The following RAB44 variants were observed in gnomAD, a reference collection of about 807,000 sequenced individuals.
RAB44 encodes the protein ras-related protein Rab-44.
Under a neutral mutation model 93.3 loss-of-function variants are expected in RAB44, and 67 were observed. The ratio of observed to expected loss-of-function variants is 0.72; its 90% CI spans 0.59 to 0.88. RAB44 has a LOEUF of 0.88. Ranked by LOEUF, RAB44 falls within the 40% of genes least tolerant of loss-of-function variation. RAB44 has a pLI of 0.00. For missense variants in RAB44, 1,064 were observed against 1,261.7 expected, an observed-to-expected ratio of 0.84 and a Z score of 2.37; for synonymous variants, 427 against 520.3, an observed-to-expected ratio of 0.82 and a Z score of 2.44.
At chr6:36,730,777 C>A in intron 13 of RAB44, 28 bp downstream of exon 13, 1 of 1,108,472 alleles carries the variant, frequency 9.0e-7, no homozygotes, top group Non-Finnish European at 1.1e-6. Flanking sequence ...CCCGCCGCCC[C>A]CACCCCCCCC....
chr6:36,699,392 G>A (rs941532240), intron 1 of RAB44, among the ~76,000 whole-genome samples: 1 of 152,128 alleles, frequency 6.6e-6, no homozygotes, highest in African/African-American at 2.4e-5. Context: ...AGCCCGGCAG[G>A]CTGCGATGTG....
At chr6:36,712,863 G>C (rs990960018) in intron 2 of RAB44, among the ~76,000 whole-genome samples, 1 of 152,122 alleles carries the variant, frequency 6.6e-6, no homozygotes, top group East Asian at 1.9e-4. Flanking sequence ...GCCACCAATG[G>C]GGAATAACTT....
intron 2 of RAB44, among the ~76,000 whole-genome samples, chr6:36,713,348 A>G (rs1198969444): frequency 2.6e-5 from 4 of 152,194 alleles, no homozygotes; most frequent in East Asian, 3.9e-4. Flanking sequence ...GTCGCTTGCC[A>G]CCATGCCTGG....
chr6:36,731,606 T>A lies in RAB44; in HGVS notation c.2976-397T>A, dbSNP rs1763366316. 6.6e-6 allele frequency among the ~76,000 whole-genome samples: 1 copy of A among 152,178 alleles called. No homozygotes were observed. Among genetic ancestry groups the A allele is most frequent in the Non-Finnish European group, 1.5e-5 (1 of 68,034 alleles). The stretch of plus-strand genomic sequence containing the variant: ...TGGGATGCACCTCCCCCACCCTTTC[T>A]GCTGGCATACCTTGTCCATGGCTCA... On this transcript the variant is annotated intron_variant, in intron 13 of 13. Coordinates refer to ENST00000612677, the MANE Select transcript of RAB44 (RefSeq NM_001257357.2). This position sits in a 1 kb window ranked among gnomAD's most constrained non-coding sequence, Gnocchi z 4.0.
At chr6:36,729,799 T>C (rs1243042888) in intron 12 of RAB44, among the ~76,000 whole-genome samples, 1 of 152,230 alleles carries the variant, frequency 6.6e-6, no homozygotes, top group African/African-American at 2.4e-5. Context: ...TTAAAAGTAG[T>C]AACTCATCCC....
At chr6:36,722,754 G>A (rs1289668688) in intron 9 of RAB44, 21 bp downstream of exon 9, 34 of 1,550,138 alleles carry the variant, frequency 2.2e-5, no homozygotes, top group Non-Finnish European at 2.7e-5. Context: ...TGGGGAGGGC[G>A]GCAGGGAGCA....
At chr6:36,730,397 G>A (rs965776675) in intron 12 of RAB44, among the ~76,000 whole-genome samples, 1 of 152,192 alleles carries the variant, frequency 6.6e-6, no homozygotes, top group African/African-American at 2.4e-5. Context: ...ATTTCTCCAA[G>A]TTGGGATGCA....
chr6:36,709,728 T>C (rs2150328422), intron 2 of RAB44, among the ~76,000 whole-genome samples: 1 of 152,218 alleles, frequency 6.6e-6, no homozygotes, highest in East Asian at 1.9e-4. Flanking sequence ...GAGGATTTTT[T>C]CTGTTTTTAG....
At chr6:36,728,872 G>A in intron 12 of RAB44, 71 bp downstream of exon 12, 1 of 1,244,080 alleles carries the variant, frequency 8.0e-7, no homozygotes. Flanking sequence ...GTGGTGGATA[G>A]GCATCACCTG....
Position 36,730,657 on chromosome 6 carries a change from C to A in RAB44, c.2899-16C>A. On this transcript the variant is annotated splice_polypyrimidine_tract_variant and intron_variant, in intron 12 of 13. Transcript: ENST00000612677. ...CTCTCCCAAGGCACATATGTCCCTC[C>A]CTGTCTGGCCTGCAGGAACTGGGGG... 8.1e-7 allele frequency: 1 copy of A among 1,233,044 alleles called. No individual in the cohort carries two copies. The highest frequency in any genetic ancestry group is 1.5e-5 in the African/African-American group (1 of 64,546). The allele number at this position is 1,233,044 out of a possible 1,614,324, so 76.4% of individuals were successfully genotyped here. A position where few individuals can be genotyped will look rare whatever the true frequency, so the allele number is the denominator to read the frequency against.
chr6:36,714,582 G>A (rs767651665), intron 3 of RAB44, among the ~76,000 whole-genome samples: 11 of 152,212 alleles, frequency 7.2e-5, no homozygotes, highest in South Asian at 6.2e-4. Flanking sequence ...CTGCATTTGC[G>A]CTTGGGCCCA....
At chr6:36,708,286 C>G (rs187240423) in intron 2 of RAB44, among the ~76,000 whole-genome samples, 49 of 151,674 alleles carry the variant, frequency 3.2e-4, no homozygotes, top group Admixed American at 5.3e-4. Context: ...TCACATAAAG[C>G]ATGCAATTTC....
In RAB44 at chr6:36,721,718, T is replaced by C. The variant is rs1233749602; in HGVS notation, c.1584T>C (p.Asp528=). Residue 528 remains aspartate (D), a synonymous_variant, in exon 9 of 14, where the codon GAT becomes GAC. Coordinates refer to ENST00000612677, the MANE Select transcript of RAB44 (RefSeq NM_001257357.2). ...AACAGATCCAGGCCTCAGACCCAGA[T>C]GACAAGGGCCCTGGGTCTTGGGCTC... is the stretch of plus-strand genomic sequence containing the variant. ...SSKQIQASDP[D]DKGPGSWAPP... is the part of the protein sequence containing the mutation. 4.1e-6 allele frequency: 5 copies of C among 1,234,128 alleles called. No homozygotes were observed. Among genetic ancestry groups the C allele is most frequent in the African/African-American group, 1.6e-5 (1 of 64,432 alleles). The allele number at this position is 1,234,128 out of a possible 1,614,324, so 76.4% of individuals were successfully genotyped here.
rs527301408 is a variant in RAB44, at chr6:36,731,691, G to C, written c.2976-312G>C. The stretch of plus-strand genomic sequence containing the variant: ...CCAGGACCTGGTGTGAAGTCCCTGT[G>C]TGCCTCCCCATCATTCCCGGGCTGC... On this transcript the variant is annotated intron_variant, in intron 13 of 13. Coordinates refer to ENST00000612677, the MANE Select transcript of RAB44 (RefSeq NM_001257357.2). The surrounding 1 kb of genome is among the most constrained non-coding windows in gnomAD (Gnocchi z 4.0). Among the ~76,000 whole-genome samples the C allele has an allele frequency of 2.9e-4, 44 of 152,162 alleles. No individual in the cohort carries two copies. Among genetic ancestry groups the C allele is most frequent in the Non-Finnish European group, 1.9e-4 (13 of 67,986 alleles).
intron 1 of RAB44, among the ~76,000 whole-genome samples, chr6:36,698,407 T>C (rs958290586): frequency 6.6e-6 from 1 of 152,234 alleles, no homozygotes; most frequent in African/African-American, 2.4e-5. Context: ...TGCTGCTGCC[T>C]GCTGCCCCAC....
intron 1 of RAB44, among the ~76,000 whole-genome samples, chr6:36,700,772 G>C (rs9394375): frequency 6.6e-6 from 1 of 152,072 alleles, no homozygotes; most frequent in African/African-American, 2.4e-5. Context: ...CCCCTTCTAT[G>C]CTACAGGGAG....
chr6:36,727,233 G>A (rs903930476), intron 10 of RAB44, among the ~76,000 whole-genome samples: 15 of 152,324 alleles, frequency 9.8e-5, no homozygotes, highest in African/African-American at 3.6e-4. Context: ...GTATGTGTAT[G>A]GGTGTATATA....
chr6:36,710,827 T>A (rs1762767350), intron 2 of RAB44, among the ~76,000 whole-genome samples: 1 of 152,176 alleles, frequency 6.6e-6, no homozygotes, highest in Non-Finnish European at 1.5e-5. Flanking sequence ...TTTCACCATG[T>A]TGGCTAGGCT....
At chr6:36,713,982 G>A (rs545287442) in intron 3 of RAB44, 43 bp downstream of exon 3, 21 of 1,244,618 alleles carry the variant, frequency 1.7e-5, no homozygotes, top group African/African-American at 1.0e-4. Context: ...CAGGTGTTCC[G>A]TGCAGTGTGC....
Sources: gnomAD v4.1 joint callset for allele counts (sites outside exome capture counted in the v4.1 genomes callset) on GRCh38, gnomAD v4.1.1 for gene constraint, Gnocchi (gnomAD v3.1) non-coding constraint, MANE v1.5 for transcripts, NCBI Gene and HGNC (gene_info 2026-07-23, HGNC 2026-07-21) for gene names.